Variants in PM20D1 observed in about 807,000 individuals in gnomAD.
PM20D1 encodes the protein peptidase M20 domain containing 1.
A neutral mutation model predicts 53.8 loss-of-function variants in PM20D1; 53 were observed. That is an observed-to-expected ratio of 0.98 (90% CI 0.79 to 1.24). The LOEUF is 1.24. PM20D1 is among the 50% of genes most tolerant of loss of function. The pLI is 0.00. For missense variants in PM20D1, 564 were observed against 616.8 expected, an observed-to-expected ratio of 0.91 and a Z score of 0.91; for synonymous variants, 239 against 241.3, an observed-to-expected ratio of 0.99 and a Z score of 0.09.
At chr1:205,848,099 G>GGT in intron 1 of PM20D1, 128 bp from the exon 2 acceptor site, 1 of 837,584 alleles carries the variant, frequency 1.2e-6, no homozygotes, top group Non-Finnish European at 2.0e-6. Context: ...ACTAATGTGA[G>GGT]GTAGGCGCTA....
At chr1:205,841,142 G>A (rs1656795972) in intron 9 of PM20D1, among the ~76,000 whole-genome samples, 1 of 152,094 alleles carries the variant, frequency 6.6e-6, no homozygotes, top group African/African-American at 2.4e-5. Flanking sequence ...CCCAGGTCCA[G>A]TTGTAAAATC....
At chr1:205,843,997 G>T in intron 5 of PM20D1, 90 bp downstream of exon 5, 1 of 1,521,940 alleles carries the variant, frequency 6.6e-7, no homozygotes. Flanking sequence ...ACAAAGAGTT[G>T]TCTCAGCATG....
At chr1:205,846,280 G>T (rs1361483556) in intron 2 of PM20D1, among the ~76,000 whole-genome samples, 1 of 152,038 alleles carries the variant, frequency 6.6e-6, no homozygotes, top group Non-Finnish European at 1.5e-5. Context: ...CAGCAACTTG[G>T]AAGGCTGAGG....
intron 10 of PM20D1, among the ~76,000 whole-genome samples, chr1:205,839,623 C>T (rs1158040343): frequency 6.6e-6 from 1 of 151,878 alleles, no homozygotes; most frequent in Non-Finnish European, 1.5e-5. Flanking sequence ...AGGCGGGTGG[C>T]TCACAAGGTC....
intron 8 of PM20D1, 27 bp downstream of exon 8, chr1:205,842,127 G>A: frequency 1.3e-6 from 2 of 1,594,410 alleles, no homozygotes; most frequent in Non-Finnish European, 8.6e-7. Context: ...GGTGAGGGAT[G>A]TGAAAAAAGG....
intron 10 of PM20D1, among the ~76,000 whole-genome samples, chr1:205,833,534 TTC>T (rs1656608509): frequency 6.6e-6 from 1 of 152,272 alleles, no homozygotes; most frequent in African/African-American, 2.4e-5. Context: ...TATTCAAGTT[TTC>T]TCTCTTTGCT....
At chr1:205,832,077 G>T (rs1160641083) in intron 11 of PM20D1, among the ~76,000 whole-genome samples, 1 of 152,142 alleles carries the variant, frequency 6.6e-6, no homozygotes, top group Non-Finnish European at 1.5e-5. Flanking sequence ...TTAGATTGGA[G>T]AACCACTGTC....
chr1:205,844,134 G>A lies in PM20D1; in HGVS notation c.660C>T (p.Gly220=). Residue 220 remains glycine, a synonymous_variant, in exon 5 of 13, where the codon GGC becomes GGT. Transcript: ENST00000367136. The part of the protein sequence containing the change: ...VQLAFIVDEG[G]FILDDFIPNF... ...TAGGAATGAAATCATCCAAGATGAAGCCCCCCTCGTCCACAATGAAGGCTA... is the reference window on the plus strand; with the variant it reads ...TAGGAATGAAATCATCCAAGATGAAACCCCCCTCGTCCACAATGAAGGCTA... The A allele has an allele frequency of 2.5e-6, 4 of 1,613,940 alleles. No individual in the cohort carries two copies. The highest frequency in any genetic ancestry group is 3.4e-6 in the Non-Finnish European group (4 of 1,179,940).
intron 10 of PM20D1, among the ~76,000 whole-genome samples, chr1:205,838,186 C>G (rs1656725626): frequency 6.6e-6 from 1 of 152,164 alleles, no homozygotes; most frequent in Non-Finnish European, 1.5e-5. Flanking sequence ...ACAGAACTGC[C>G]CCTAACCCTG....
chr1:205,844,125 C>T lies in PM20D1; in HGVS notation c.669G>A (p.Leu223=), dbSNP rs776250798. The part of the protein sequence containing the change: ...AFIVDEGGFI[L]DDFIPNFKKP... ...TCTTGAAGTTAGGAATGAAATCATCCAAGATGAAGCCCCCCTCGTCCACAA... is the reference window on the plus strand; with the variant it reads ...TCTTGAAGTTAGGAATGAAATCATCTAAGATGAAGCCCCCCTCGTCCACAA... The change falls in exon 5 of 13, where the codon TTG becomes TTA. Residue 223 remains leucine, a synonymous_variant. Transcript: ENST00000367136. The T allele has an allele frequency of 1.2e-6, 2 of 1,613,822 alleles. No individual in the cohort carries two copies. Among genetic ancestry groups the T allele is most frequent in the Admixed American group, 1.7e-5 (1 of 59,994 alleles).
chr1:205,829,449 A>C (rs1417029757), intron 12 of PM20D1, among the ~76,000 whole-genome samples: 5 of 152,184 alleles, frequency 3.3e-5, no homozygotes, highest in Non-Finnish European at 7.3e-5. Context: ...GCAACTGCCC[A>C]GGGTGCCTAC....
intron 2 of PM20D1, among the ~76,000 whole-genome samples, chr1:205,846,927 C>A (rs1258136768): frequency 6.6e-6 from 1 of 151,434 alleles, no homozygotes; most frequent in African/African-American, 2.4e-5. Context: ...AGACTTGCAG[C>A]CTTTTCAGCC....
At chr1:205,829,785 A>C (rs754178991) in intron 12 of PM20D1, 3 of 154,054 alleles carry the variant, frequency 1.9e-5, no homozygotes, top group African/African-American at 7.2e-5. Context: ...GTGCTGAAGA[A>C]CCCACAAAAA....
In PM20D1 at chr1:205,847,666, GT is replaced by G. The variant is rs1558095680; in HGVS notation, c.256+218del. Among the ~76,000 whole-genome samples the G allele has an allele frequency of 9.9e-5, 15 of 152,040 alleles. No individual in the cohort carries two copies. The South Asian group carries it at 3.1e-3, about 32-fold the overall frequency. ...CACATGTAGGGCAAAATTTGAGAGA[GT>G]TTGTACTCTAATGCAATGGCTGGAT... On this transcript the variant is annotated intron_variant, in intron 2 of 12. Transcript: ENST00000367136.
chr1:205,845,651 T>A (rs1026441414), intron 2 of PM20D1, 94 bp from the exon 3 acceptor site: 6 of 1,098,084 alleles, frequency 5.5e-6, no homozygotes, highest in Non-Finnish European at 7.7e-6. Context: ...TATTTATTTA[T>A]TTTTTTAAAC....
intron 10 of PM20D1, among the ~76,000 whole-genome samples, chr1:205,835,990 C>T (rs1163252542): frequency 6.6e-6 from 1 of 152,126 alleles, no homozygotes; most frequent in Non-Finnish European, 1.5e-5. Context: ...ATTCTCCTGC[C>T]TCAGCCTCCT....
chr1:205,839,663 G>C (rs1656759633), intron 10 of PM20D1, among the ~76,000 whole-genome samples: 2 of 152,028 alleles, frequency 1.3e-5, no homozygotes, highest in Non-Finnish European at 2.9e-5. Context: ...GGCTAACACG[G>C]TGAAACACCG....
At chr1:205,849,585 T>C (rs1293532411) in intron 1 of PM20D1, among the ~76,000 whole-genome samples, 1 of 152,102 alleles carries the variant, frequency 6.6e-6, no homozygotes, top group Non-Finnish European at 1.5e-5. Context: ...TTAAAATTGA[T>C]GTACAAATGA....
At chr1:205,838,961 A>G (rs1425065523) in intron 10 of PM20D1, among the ~76,000 whole-genome samples, 1 of 152,120 alleles carries the variant, frequency 6.6e-6, no homozygotes, top group African/African-American at 2.4e-5. Context: ...CACATGCACT[A>G]CCTAAGATGC....
Sources: gnomAD v4.1 joint callset for allele counts (sites outside exome capture counted in the v4.1 genomes callset) on GRCh38, gnomAD v4.1.1 for gene constraint, MANE v1.5 for transcripts, NCBI Gene and HGNC (gene_info 2026-07-23, HGNC 2026-07-21) for gene names.